Variants in ANXA8 observed in about 807,000 individuals in gnomAD.
ANXA8 encodes VAC-beta.
A neutral mutation model predicts 26.8 loss-of-function variants in ANXA8; 9 were observed. That is an observed-to-expected ratio of 0.34 (90% CI 0.20 to 0.59). The LOEUF (loss-of-function observed/expected upper bound fraction) is 0.59, where lower values mean the gene tolerates loss of function less well. ANXA8 is among the 20% of genes least tolerant of loss of function. ANXA8 has a pLI of 0.84. For missense variants in ANXA8, 83 were observed against 238.5 expected, an observed-to-expected ratio of 0.35 and a Z score of 4.29; for synonymous variants, 39 against 94.8, an observed-to-expected ratio of 0.41 and a Z score of 3.42.
chr10:47,615,396 G>A, the ANXA8 span, among the ~76,000 whole-genome samples: 26 of 69,312 alleles, frequency 3.8e-4, 8 homozygotes, highest in African/African-American at 1.1e-3. Flanking sequence ...TATCACTCTT[G>A]AAGCTCACAT....
the ANXA8 span, among the ~76,000 whole-genome samples, chr10:47,743,032 G>A: frequency 9.7e-5 from 14 of 143,652 alleles, no homozygotes; most frequent in African/African-American, 2.3e-4. Flanking sequence ...TTAGCCGGGC[G>A]TGGTGGCGGG....
intron 8 of ANXA8, 24 bp downstream of exon 8, chr10:47,474,281 C>A: frequency 1.3e-6 from 2 of 1,574,832 alleles, no homozygotes; most frequent in Non-Finnish European, 1.7e-6. Context: ...GTGGCCCCGG[C>A]CCCAGCCCCT....
chr10:47,956,577 T>C, the ANXA8 span, among the ~76,000 whole-genome samples: 1 of 149,790 alleles, frequency 6.7e-6, no homozygotes, highest in South Asian at 2.1e-4. Context: ...TCCTAGTTTC[T>C]TCCATTGGCC....
chr10:47,651,843 G>A, the ANXA8 span, among the ~76,000 whole-genome samples: 9 of 151,722 alleles, frequency 5.9e-5, no homozygotes, highest in South Asian at 2.1e-4. Context: ...GCAGTGAGCC[G>A]AGATCATGCC....
At chr10:47,645,252 C>T in the ANXA8 span, among the ~76,000 whole-genome samples, 41 of 147,016 alleles carry the variant, frequency 2.8e-4, no homozygotes, top group African/African-American at 9.8e-4. Context: ...CCACTTTATT[C>T]CACTCTAAAA....
chr10:47,776,122 C>T, the ANXA8 span, among the ~76,000 whole-genome samples: 1 of 151,992 alleles, frequency 6.6e-6, no homozygotes, highest in Non-Finnish European at 1.5e-5. Context: ...GTCTGGGAAG[C>T]TCCATGAAGA....
At chr10:47,595,201 T>C in the ANXA8 span, among the ~76,000 whole-genome samples, 1 of 148,522 alleles carries the variant, frequency 6.7e-6, no homozygotes. Flanking sequence ...TGAGTCTTTC[T>C]GAGTCAAGCA....
upstream of ANXA8, among the ~76,000 whole-genome samples, chr10:47,485,684 GT>G (rs1424460207): frequency 6.6e-6 from 1 of 151,906 alleles, no homozygotes; most frequent in African/African-American, 2.4e-5. Flanking sequence ...ATTAAAAAAT[GT>G]TAAGTTAAAT....
the ANXA8 span, among the ~76,000 whole-genome samples, chr10:47,649,977 G>T: frequency 6.6e-6 from 1 of 150,878 alleles, no homozygotes; most frequent in Non-Finnish European, 1.5e-5. Context: ...GGAGGCCAAA[G>T]TAGATGGATC....
At chr10:47,969,089 G>A in the ANXA8 span, among the ~76,000 whole-genome samples, 2 of 150,092 alleles carry the variant, frequency 1.3e-5, no homozygotes, top group East Asian at 2.0e-4. Context: ...TGGAAAGATC[G>A]TGCAGGAGAA....
the ANXA8 span, among the ~76,000 whole-genome samples, chr10:47,648,475 A>C: frequency 4.2e-4 from 62 of 149,188 alleles, no homozygotes; most frequent in African/African-American, 1.6e-3. Context: ...ATCTTTTTTG[A>C]AGTTCTACCT....
chr10:47,743,378 A>ATGTGTGTG, the ANXA8 span, among the ~76,000 whole-genome samples: 3 of 59,778 alleles, frequency 5.0e-5, no homozygotes, highest in East Asian at 5.2e-4. Context: ...ATACATATAT[A>ATGTGTGTG]TGTGTGTGTG....
chr10:47,583,737 G>C, the ANXA8 span, among the ~76,000 whole-genome samples: 2 of 147,022 alleles, frequency 1.4e-5, no homozygotes, highest in East Asian at 4.0e-4. Context: ...TTTTCCCTTA[G>C]GCCTAGAATT....
At chr10:47,946,336 A>G in the ANXA8 span, among the ~76,000 whole-genome samples, 6 of 150,412 alleles carry the variant, frequency 4.0e-5, no homozygotes, top group Admixed American at 4.0e-4. Flanking sequence ...GGTTGGGCTA[A>G]TATCTGCCTC....
chr10:47,596,977 A>G, the ANXA8 span, among the ~76,000 whole-genome samples: 1 of 148,908 alleles, frequency 6.7e-6, no homozygotes, highest in South Asian at 2.1e-4. Context: ...CTAGGCCAAT[A>G]TATCTGATGA....
At chr10:47,709,914 A>G in the ANXA8 span, among the ~76,000 whole-genome samples, 13,881 of 76,326 alleles carry the variant, frequency 0.18, 1,237 homozygotes, top group East Asian at 0.48. Flanking sequence ...GTCAAAAAAG[A>G]ACAGAAATTT....
chr10:47,743,629 C>CGA, the ANXA8 span, among the ~76,000 whole-genome samples: 2 of 144,666 alleles, frequency 1.4e-5, no homozygotes, highest in African/African-American at 5.2e-5. Context: ...GCCAGAATCC[C>CGA]CTTCCGCGGC....
chr10:47,594,060 C>T, the ANXA8 span, among the ~76,000 whole-genome samples: 1 of 147,580 alleles, frequency 6.8e-6, no homozygotes, highest in Non-Finnish European at 1.5e-5. Context: ...GCTCTCAGGC[C>T]TTCAGCCACA....
the ANXA8 span, chr10:47,502,196 C>A: frequency 6.5e-7 from 1 of 1,540,868 alleles, no homozygotes; most frequent in Non-Finnish European, 8.8e-7. Context: ...GACGTCCACC[C>A]CGTCAGGAGC....
Sources: gnomAD v4.1 joint callset for allele counts (sites outside exome capture counted in the v4.1 genomes callset) on GRCh38, gnomAD v4.1.1 for gene constraint, MANE v1.5 for transcripts, NCBI Gene and HGNC (gene_info 2026-07-23, HGNC 2026-07-21) for gene names.